The following NLRC5 variants were observed in gnomAD, a reference collection of about 807,000 sequenced individuals.
NLRC5 encodes NLR family CARD domain containing 5, also known as protein NLRC5.
Under a neutral mutation model 206.9 loss-of-function variants are expected in NLRC5, and 114 were observed. The ratio of observed to expected loss-of-function variants is 0.55; its 90% CI spans 0.47 to 0.64. The LOEUF is 0.64. NLRC5 is among the 30% of genes least tolerant of loss of function. The pLI is 0.00. For missense variants in NLRC5, 2,008 were observed against 2,305.5 expected, an observed-to-expected ratio of 0.87 and a Z score of 2.64; for synonymous variants, 952 against 962.8, an observed-to-expected ratio of 0.99 and a Z score of 0.21.
At chr16:57,065,177 T>G in intron 32 of NLRC5, 35 bp from the exon 33 acceptor site, 2 of 1,412,528 alleles carry the variant, frequency 1.4e-6, no homozygotes, top group Non-Finnish European at 1.9e-6. Flanking sequence ...CTGCTCACCT[T>G]GGGGGGGCCT....
chr16:57,061,187 G>T (rs2066429774), intron 30 of NLRC5, among the ~76,000 whole-genome samples: 1 of 152,236 alleles, frequency 6.6e-6, no homozygotes, highest in Non-Finnish European at 1.5e-5. Context: ...CCAGAGGCTG[G>T]CACAGTGCCT....
intron 35 of NLRC5, 33 bp from the exon 36 acceptor site, chr16:57,067,703 G>C (rs759170535): frequency 6.2e-7 from 1 of 1,600,690 alleles, no homozygotes; most frequent in South Asian, 1.1e-5. Context: ...TGTCCAGCCT[G>C]AAATCCTCTA....
At chr16:57,001,784 A>G (rs1206243172) in intron 1 of NLRC5, among the ~76,000 whole-genome samples, 2 of 152,190 alleles carry the variant, frequency 1.3e-5, no homozygotes, top group African/African-American at 4.8e-5. Flanking sequence ...TTTTAAATGT[A>G]CAGTTAAATT....
At chr16:57,068,629 T>G (rs572599597) in intron 36 of NLRC5, among the ~76,000 whole-genome samples, 2 of 152,336 alleles carry the variant, frequency 1.3e-5, no homozygotes, top group Admixed American at 1.3e-4. Flanking sequence ...AATAAGGACA[T>G]TCTCTTCCAT....
chr16:57,042,326 C>T (rs1372825764), intron 19 of NLRC5, among the ~76,000 whole-genome samples: 2 of 152,176 alleles, frequency 1.3e-5, no homozygotes, highest in African/African-American at 2.4e-5. Flanking sequence ...GCTTCTGAGG[C>T]CACCCTGGGG....
At chr16:57,027,662 T>G (rs1265126911) in intron 6 of NLRC5, among the ~76,000 whole-genome samples, 2 of 152,188 alleles carry the variant, frequency 1.3e-5, no homozygotes, top group African/African-American at 4.8e-5. Flanking sequence ...ATTATCCCCT[T>G]GGGAATCCTA....
At chr16:57,079,185 G>T (rs2145130197) in intron 44 of NLRC5, 36 bp from the exon 45 acceptor site, 1 of 1,613,948 alleles carries the variant, frequency 6.2e-7, no homozygotes, top group East Asian at 2.2e-5. Context: ...GGCGGGTCTG[G>T]GGGTTCCTCT....
chr16:57,074,553 G>C (rs7205801), intron 38 of NLRC5, 47 bp from the exon 39 acceptor site: 101,901 of 1,566,088 alleles, frequency 0.065, 10,231 homozygotes, highest in East Asian at 0.41. Flanking sequence ...AGACTGGACA[G>C]TGCCCCACCC....
At chr16:57,013,577 CA>C in intron 1 of NLRC5, 1 of 1,104,754 alleles carries the variant, frequency 9.1e-7, no homozygotes, top group Non-Finnish European at 1.4e-6. Flanking sequence ...TTTAAGTACC[CA>C]AAGTTTCTCA....
At chr16:57,049,384 G>T (rs952553305) in intron 23 of NLRC5, among the ~76,000 whole-genome samples, 1 of 152,330 alleles carries the variant, frequency 6.6e-6, no homozygotes, top group South Asian at 2.1e-4. Context: ...AACACAAGGA[G>T]ACTGGGATGC....
chr16:57,074,774 CCCAGGGGATCCTTTGCGGATCCCT>C lies in NLRC5; in HGVS notation c.4751+94_4751+117del, dbSNP rs144328616. 1,876 of 1,231,120 alleles carry C rather than the reference CCCAGGGGATCCTTTGCGGATCCCT, an allele frequency of 1.5e-3. 25 individuals carry two copies. The African/African-American group carries it at 0.026, about 17-fold the overall frequency. The allele number at this position is 1,231,120 out of a possible 1,614,324, so 76.3% of individuals were successfully genotyped here. On this transcript the variant is annotated intron_variant, in intron 39 of 48. Coordinates refer to ENST00000688547, the MANE Select transcript of NLRC5 (RefSeq NM_001384950.1). ...ATCCAGGGAAGCACTGAGGCCACCT[CCCAGGGGATCCTTTGCGGATCCCT>C]CCCAGGCCCATCCCTGTGCCCTCCC... is the stretch of plus-strand genomic sequence containing the variant.
chr16:57,077,714 C>T lies in NLRC5; in HGVS notation c.4920-5C>T, dbSNP rs1167354965. On this transcript the variant is annotated splice_polypyrimidine_tract_variant and splice_region_variant and intron_variant, in intron 41 of 48. Coordinates refer to ENST00000688547, the MANE Select transcript of NLRC5 (RefSeq NM_001384950.1). The stretch of plus-strand genomic sequence containing the variant: ...GAGGACCTGATGGCTGCCCCCCTCC[C>T]ACAGCCTCTCAGGGAATAGCATCAG... 6.4e-7 allele frequency: 1 copy of T among 1,565,810 alleles called. No homozygotes were observed. Among genetic ancestry groups the T allele is most frequent in the Non-Finnish European group, 8.7e-7 (1 of 1,153,182 alleles).
At chr16:57,066,720 G>GA (rs1354775246) in intron 34 of NLRC5, 106 bp downstream of exon 34, 1 of 1,039,784 alleles carries the variant, frequency 9.6e-7, no homozygotes, top group Non-Finnish European at 1.5e-6. Context: ...TTAGGGGTTC[G>GA]AAGTCTTTAC....
intron 23 of NLRC5, among the ~76,000 whole-genome samples, chr16:57,050,678 T>G (rs2064771802): frequency 1.3e-5 from 2 of 151,810 alleles, no homozygotes; most frequent in African/African-American, 2.4e-5. Context: ...GTATCTGGAG[T>G]TTCTCCTAAA....
chr16:57,057,500 T>C (rs2065833960), intron 27 of NLRC5, among the ~76,000 whole-genome samples: 1 of 152,244 alleles, frequency 6.6e-6, no homozygotes. Context: ...TTTCCAATAT[T>C]GATATTGCAT....
chr16:57,037,183 T>C lies in NLRC5; in HGVS notation c.2712-12T>C, dbSNP rs2062697326. On this transcript the variant is annotated splice_polypyrimidine_tract_variant and intron_variant, in intron 14 of 48. Coordinates refer to ENST00000688547, the MANE Select transcript of NLRC5 (RefSeq NM_001384950.1). The stretch of plus-strand genomic sequence containing the variant: ...CCACATGCCAACGGCTGCCTTCTCC[T>C]GCTCTCCACAGCCTCAGTAACAACG... 6.2e-7 allele frequency: 1 copy of C among 1,612,270 alleles called. No individual in the cohort carries two copies. The highest frequency in any genetic ancestry group is 8.5e-7 in the Non-Finnish European group (1 of 1,178,746).
chr16:57,067,655 C>A (rs749826287), intron 35 of NLRC5, 81 bp from the exon 36 acceptor site: 154 of 1,462,480 alleles, frequency 1.1e-4, no homozygotes, highest in Non-Finnish European at 1.4e-4. Context: ...CTTCTCCTCT[C>A]TTGGCACCCC....
intron 34 of NLRC5, 81 bp downstream of exon 34, chr16:57,066,695 C>T: frequency 5.5e-6 from 7 of 1,264,336 alleles, no homozygotes; most frequent in Non-Finnish European, 8.0e-6. Flanking sequence ...ATATTCACCA[C>T]CCTGCCCAGA....
intron 48 of NLRC5, among the ~76,000 whole-genome samples, chr16:57,082,206 A>G (rs1486006848): frequency 6.6e-6 from 1 of 152,188 alleles, no homozygotes; most frequent in African/African-American, 2.4e-5. Flanking sequence ...TGGCATCACT[A>G]TCTCCCAGGG....
Sources: gnomAD v4.1 joint callset for allele counts (sites outside exome capture counted in the v4.1 genomes callset) on GRCh38, gnomAD v4.1.1 for gene constraint, MANE v1.5 for transcripts, NCBI Gene and HGNC (gene_info 2026-07-23, HGNC 2026-07-21) for gene names.